PTPRD: variants seen among roughly 807,000 people sequenced by gnomAD.
The protein encoded by PTPRD is protein tyrosine phosphatase receptor type D.
Under a neutral mutation model 214.5 loss-of-function variants are expected in PTPRD, and 34 were observed. The ratio of observed to expected loss-of-function variants is 0.16; its 90% CI spans 0.12 to 0.21. PTPRD has a LOEUF of 0.21. Among genes scored for constraint, PTPRD ranks in the 10% least tolerant of loss-of-function variants. The pLI, the probability that PTPRD is intolerant of heterozygous loss-of-function variation, is 1.00. For synonymous variants in PTPRD, 1,128 were observed against 845.7 expected (o/e 1.33, Z -5.79); for missense variants, 2,545 against 2,398.7 (o/e 1.06, Z -1.27).
intron 11 of PTPRD, among the ~76,000 whole-genome samples, chr9:8,940,446 C>CTTTTTTTTTTTTTTTTTTTTTTTT (rs34288443): frequency 3.2e-5 from 3 of 95,032 alleles, no homozygotes; most frequent in East Asian, 4.4e-4. Flanking sequence ...CCACTCCCAG[C>CTTTTTTTTTTTTTTTTTTTTTTTT]TTTTTTTTTT....
chr9:9,653,718 T>C (rs2096436414), intron 7 of PTPRD, among the ~76,000 whole-genome samples: 1 of 152,178 alleles, frequency 6.6e-6, no homozygotes, highest in Non-Finnish European at 1.5e-5. Context: ...TGGTAAAAAT[T>C]AGTGTTTTGG....
chr9:8,587,470 G>A (rs777584285), intron 14 of PTPRD, among the ~76,000 whole-genome samples: 9 of 152,144 alleles, frequency 5.9e-5, no homozygotes, highest in Non-Finnish European at 1.0e-4. Flanking sequence ...TTCTGCCACC[G>A]TTGTAGTTAA....
chr9:8,810,611 C>T (rs2154522509), intron 11 of PTPRD, among the ~76,000 whole-genome samples: 1 of 152,280 alleles, frequency 6.6e-6, no homozygotes, highest in Admixed American at 6.5e-5. Flanking sequence ...CACACTCTAA[C>T]AGTCATCACG....
intron 8 of PTPRD, among the ~76,000 whole-genome samples, chr9:9,464,032 C>A (rs2093914635): frequency 6.6e-6 from 1 of 152,146 alleles, no homozygotes; most frequent in Non-Finnish European, 1.5e-5. Flanking sequence ...TTTTCTCAAA[C>A]ATGGTTACAT....
chr9:9,485,462 C>A (rs2095589096), intron 8 of PTPRD, among the ~76,000 whole-genome samples: 1 of 152,164 alleles, frequency 6.6e-6, no homozygotes, highest in Admixed American at 6.6e-5. Flanking sequence ...TTGCTTAGTG[C>A]ATAGCTCATT....
chr9:9,943,411 G>A (rs1421384730), intron 4 of PTPRD, among the ~76,000 whole-genome samples: 1 of 152,062 alleles, frequency 6.6e-6, no homozygotes, highest in Non-Finnish European at 1.5e-5. Flanking sequence ...TAAGAAGTTT[G>A]AAATTCATTC....
intron 4 of PTPRD, among the ~76,000 whole-genome samples, chr9:9,955,550 G>C (rs1331230652): frequency 2.0e-5 from 3 of 147,868 alleles, no homozygotes; most frequent in South Asian, 4.3e-4. Context: ...TTGAGACAGA[G>C]TCTCGCTCTG....
chr9:8,457,831 C>T (rs879472374), intron 33 of PTPRD, among the ~76,000 whole-genome samples: 1 of 151,940 alleles, frequency 6.6e-6, no homozygotes, highest in Admixed American at 6.6e-5. Context: ...GAGTCATTAC[C>T]AATGACCTGT....
At chr9:10,249,403 C>T (rs16925600) in intron 3 of PTPRD, among the ~76,000 whole-genome samples, 1,926 of 152,108 alleles carry the variant, frequency 0.013, 33 homozygotes, top group African/African-American at 0.043. Context: ...ATAGGAACCA[C>T]GAGAAAGAGT....
intron 44 of PTPRD, among the ~76,000 whole-genome samples, chr9:8,324,587 A>ATGAT (rs1831742173): frequency 6.6e-6 from 1 of 152,206 alleles, no homozygotes; most frequent in Non-Finnish European, 1.5e-5. Context: ...TTGTAGTAGA[A>ATGAT]TGATTTACAA....
intron 3 of PTPRD, among the ~76,000 whole-genome samples, chr9:10,118,279 C>CTA (rs2098747334): frequency 6.6e-6 from 1 of 151,410 alleles, no homozygotes; most frequent in African/African-American, 2.4e-5. Context: ...CATTTATTAT[C>CTA]TATATATCTA....
At chr9:8,331,886 G>C (rs1438767796) in intron 43 of PTPRD, 150 bp from the exon 44 acceptor site, 2 of 880,662 alleles carry the variant, frequency 2.3e-6, no homozygotes, top group African/African-American at 3.4e-5. Context: ...ACTTAGTTAT[G>C]GTTTATCTGC....
At chr9:9,475,836 T>C (rs2094987891) in intron 8 of PTPRD, among the ~76,000 whole-genome samples, 1 of 152,170 alleles carries the variant, frequency 6.6e-6, no homozygotes, top group Non-Finnish European at 1.5e-5. Flanking sequence ...TCCAGGTTCT[T>C]CTGATGCAGA....
chr9:9,762,643 A>G (rs1025090549), intron 6 of PTPRD, among the ~76,000 whole-genome samples: 5 of 152,188 alleles, frequency 3.3e-5, no homozygotes, highest in African/African-American at 1.2e-4. Context: ...TATAAAAAGG[A>G]TTGATTCTCT....
intron 11 of PTPRD, among the ~76,000 whole-genome samples, chr9:8,932,135 G>C (rs2098957228): frequency 6.6e-6 from 1 of 152,040 alleles, no homozygotes; most frequent in Non-Finnish European, 1.5e-5. Flanking sequence ...ATTTTTTGAA[G>C]GGTTTTTCGT....
intron 5 of PTPRD, among the ~76,000 whole-genome samples, chr9:9,917,452 TAAA>T (rs112904497): frequency 0.26 from 32,664 of 127,590 alleles, 4,252 homozygotes; most frequent in African/African-American, 0.39. Context: ...GAAAATTTCC[TAAA>T]AAAAAAAAAA....
chr9:10,089,364 T>C (rs904437375), intron 3 of PTPRD, among the ~76,000 whole-genome samples: 3 of 151,644 alleles, frequency 2.0e-5, no homozygotes, highest in African/African-American at 7.3e-5. Context: ...AGATCTTGTA[T>C]ATGGAATAGA....
At chr9:8,752,656 A>G (rs1197835801) in intron 11 of PTPRD, among the ~76,000 whole-genome samples, 1 of 152,190 alleles carries the variant, frequency 6.6e-6, no homozygotes, top group African/African-American at 2.4e-5. Context: ...AAACGAGCCC[A>G]GACTAGCCTG....
chr9:9,346,405 T>C (rs1036715139), intron 9 of PTPRD, among the ~76,000 whole-genome samples: 7 of 152,144 alleles, frequency 4.6e-5, no homozygotes, highest in Non-Finnish European at 1.0e-4. Context: ...GAGAAATGTG[T>C]TAAAAATGTA....
Sources: allele counts gnomAD v4.1 joint callset (sites outside exome capture counted in the v4.1 genomes callset), GRCh38; gene constraint gnomAD v4.1.1; transcripts MANE v1.5; gene names NCBI Gene and HGNC (gene_info 2026-07-23, HGNC 2026-07-21).